The following TULP4 variants were observed in gnomAD, a reference collection of about 807,000 sequenced individuals.
TULP4 encodes the protein TUB like protein 4.
TULP4 carries 16 observed loss-of-function variants against 129.0 expected under a neutral mutation model. The ratio of observed to expected loss-of-function variants is 0.12; its 90% CI spans 0.08 to 0.19. TULP4 has a LOEUF of 0.19. Ranked by LOEUF, TULP4 falls within the 10% of genes least tolerant of loss-of-function variation. The pLI is 1.00. For synonymous variants in TULP4, 998 were observed against 854.0 expected (o/e 1.17, Z -2.94); for missense variants, 1,842 against 2,059.1 (o/e 0.89, Z 2.04).
chr6:158,259,567 G>A (rs1778312402), intron 1 of TULP4, among the ~76,000 whole-genome samples: 1 of 152,132 alleles, frequency 6.6e-6, no homozygotes, highest in East Asian at 1.9e-4. Context: ...CTAAATATCC[G>A]AACAGTGGCT....
intron 1 of TULP4, among the ~76,000 whole-genome samples, chr6:158,370,179 C>T (rs1038122807): frequency 1.3e-5 from 2 of 151,760 alleles, no homozygotes; most frequent in Non-Finnish European, 2.9e-5. Flanking sequence ...GCCACTGGCC[C>T]GGCATGGTGG....
intron 1 of TULP4, among the ~76,000 whole-genome samples, chr6:158,356,972 C>A (rs1442439824): frequency 1.3e-5 from 2 of 152,122 alleles, no homozygotes; most frequent in African/African-American, 4.8e-5. Flanking sequence ...TGGGGGTAGG[C>A]ACTTCCATTT....
chr6:158,452,289 C>G (rs1309495876), intron 5 of TULP4, 21 bp downstream of exon 5: 1 of 1,612,342 alleles, frequency 6.2e-7, no homozygotes, highest in Non-Finnish European at 8.5e-7. Context: ...CTGCACACAC[C>G]CCAAACCTGC....
intron 1 of TULP4, among the ~76,000 whole-genome samples, chr6:158,255,948 C>T (rs1212881256): frequency 2.6e-5 from 4 of 152,154 alleles, no homozygotes; most frequent in African/African-American, 9.7e-5. Flanking sequence ...GGAGAGATCC[C>T]TTTTCTTGCT....
At chr6:158,451,874 TCTCACCA>T (rs1310978206) in intron 4 of TULP4, among the ~76,000 whole-genome samples, 2 of 152,220 alleles carry the variant, frequency 1.3e-5, no homozygotes, top group Non-Finnish European at 2.9e-5. Context: ...TCACACATAT[TCTCACCA>T]CTCACCAATT....
chr6:158,335,206 G>T (rs1250866326), intron 1 of TULP4, among the ~76,000 whole-genome samples: 2 of 150,844 alleles, frequency 1.3e-5, no homozygotes, highest in East Asian at 3.9e-4. Context: ...GAACCCGGGA[G>T]GCAGAGGTTG....
At chr6:158,465,937 ATTTT>A (rs1236918052) in intron 6 of TULP4, among the ~76,000 whole-genome samples, 1 of 152,240 alleles carries the variant, frequency 6.6e-6, no homozygotes, top group East Asian at 1.9e-4. Context: ...AGAAAGGAAT[ATTTT>A]AAGTTAAAAC....
In TULP4 at chr6:158,503,428, G is replaced by A. The variant is rs1379741165; in HGVS notation, c.3765G>A (p.Leu1255=). ...GCAGCACGTGCTCTAGTTTACAGCT[G>A]CCACCTGTCGCCTTGCATCCATGGA... ...PGSSTCSSLQ[L]PPVALHPWSS... is the part of the protein sequence containing the mutation. The change falls in exon 13 of 14, where the codon CTG becomes CTA. Residue 1255 remains leucine, a synonymous_variant. Coordinates refer to ENST00000367097, the MANE Select transcript of TULP4 (RefSeq NM_020245.5). The surrounding 1 kb of genome is among the most constrained non-coding windows in gnomAD (Gnocchi z 4.3). The A allele has an allele frequency of 5.6e-6, 9 of 1,613,854 alleles. No homozygotes were observed. Among genetic ancestry groups the A allele is most frequent in the Non-Finnish European group, 7.6e-6 (9 of 1,180,028 alleles).
chr6:158,301,083 A>G (rs890726163), intron 1 of TULP4, among the ~76,000 whole-genome samples: 1 of 152,238 alleles, frequency 6.6e-6, no homozygotes, highest in Non-Finnish European at 1.5e-5. Context: ...CCTTGAAAAT[A>G]AAGAAGCCAA....
rs752396420 is a variant in TULP4 at position 158,502,096 on chromosome 6, G to A, written c.2433G>A (p.Leu811=). 17 of 1,611,564 alleles carry A rather than the reference G, an allele frequency of 1.1e-5. No homozygotes were observed. The highest frequency in any genetic ancestry group is 1.0e-5 in the Non-Finnish European group (12 of 1,178,814). ...SAKALRPTPQ[L]AAEGDAVVFS... is the part of the protein sequence containing the mutation. ...AGGCCCTGCGGCCAACACCGCAGCT[G>A]GCAGCTGAGGGGGACGCAGTGGTCT... is the stretch of plus-strand genomic sequence containing the variant. Residue 811 remains leucine (L), a synonymous_variant, in exon 13 of 14, where the codon CTG becomes CTA. Coordinates refer to ENST00000367097, the MANE Select transcript of TULP4 (RefSeq NM_020245.5).
At chr6:158,373,192 T>C (rs1777109239) in intron 1 of TULP4, among the ~76,000 whole-genome samples, 2 of 152,170 alleles carry the variant, frequency 1.3e-5, no homozygotes, top group African/African-American at 2.4e-5. Context: ...ACAACAACAA[T>C]AATAGCTTAT....
chr6:158,452,608 C>T (rs1409489547), intron 5 of TULP4, among the ~76,000 whole-genome samples: 1 of 152,238 alleles, frequency 6.6e-6, no homozygotes, highest in Non-Finnish European at 1.5e-5. Flanking sequence ...CAGCACCTGC[C>T]ATCCCTAAGG....
At chr6:158,360,704 A>T (rs1780765893) in intron 1 of TULP4, among the ~76,000 whole-genome samples, 1 of 152,186 alleles carries the variant, frequency 6.6e-6, no homozygotes, top group Admixed American at 6.6e-5. Flanking sequence ...GGTAAGAATA[A>T]TCCCACAGGC....
chr6:158,306,212 C>G (rs181680062), intron 1 of TULP4, among the ~76,000 whole-genome samples: 29 of 152,262 alleles, frequency 1.9e-4, no homozygotes, highest in African/African-American at 2.4e-5. Flanking sequence ...GAACACTGTG[C>G]TTTTACTGTG....
At chr6:158,275,255 C>T (rs778265779) in intron 1 of TULP4, among the ~76,000 whole-genome samples, 1 of 152,104 alleles carries the variant, frequency 6.6e-6, no homozygotes, top group Non-Finnish European at 1.5e-5. Context: ...TTAGTCCTGC[C>T]CATCTTCTTC....
intron 2 of TULP4, among the ~76,000 whole-genome samples, chr6:158,426,736 T>A (rs1372774836): frequency 1.3e-5 from 2 of 152,166 alleles, no homozygotes; most frequent in African/African-American, 4.8e-5. Flanking sequence ...TTAAAAATAG[T>A]TTTTTTCTGG....
chr6:158,439,074 G>C (rs1490990583), intron 3 of TULP4, among the ~76,000 whole-genome samples: 1 of 151,994 alleles, frequency 6.6e-6, no homozygotes, highest in Admixed American at 6.5e-5. Flanking sequence ...AGGAGGCTGA[G>C]GCAAGAGAAT....
At chr6:158,432,661 G>C (rs546075919) in intron 3 of TULP4, among the ~76,000 whole-genome samples, 1 of 152,158 alleles carries the variant, frequency 6.6e-6, no homozygotes, top group East Asian at 1.9e-4. Flanking sequence ...AGGAGATTGA[G>C]ACCATCCTGG....
chr6:158,424,074 G>A (rs1778418452), intron 2 of TULP4, among the ~76,000 whole-genome samples: 1 of 152,050 alleles, frequency 6.6e-6, no homozygotes, highest in South Asian at 2.1e-4. Flanking sequence ...CAGTAAGAAG[G>A]TGAAAACTGA....
Sources: gnomAD v4.1 joint callset for allele counts (sites outside exome capture counted in the v4.1 genomes callset) on GRCh38, gnomAD v4.1.1 for gene constraint, Gnocchi (gnomAD v3.1) non-coding constraint, MANE v1.5 for transcripts, NCBI Gene and HGNC (gene_info 2026-07-23, HGNC 2026-07-21) for gene names.